Variants in ROR1 observed in about 807,000 individuals in gnomAD.
ROR1 encodes inactive tyrosine-protein kinase transmembrane receptor ROR1.
In ROR1, 19 loss-of-function variants were observed where a neutral mutation model predicts 78.8. The observed-to-expected ratio is 0.24, with a 90% confidence interval of 0.17 to 0.35. ROR1 has a LOEUF of 0.35. Ranked by LOEUF, ROR1 falls within the 10% of genes least tolerant of loss-of-function variation. The probability of loss-of-function intolerance (pLI) is 1.00; values close to 1 mark genes in which losing one functional copy is unlikely to be tolerated. For missense variants in ROR1, 917 were observed against 1,177.8 expected (o/e 0.78, Z 3.24); for synonymous variants, 386 against 433.6 (o/e 0.89, Z 1.36).
At position 64,181,215 on chromosome 1, in the gene ROR1, C is replaced by T. The variant is rs1650537277; in HGVS notation, c.*2360C>T. ...ATATCTGGTCTGTTTTTCTTGTTTC[C>T]TTTGTTTTTAACTTGATATAGATTT... is the stretch of plus-strand genomic sequence containing the variant. On this transcript the variant is annotated 3_prime_UTR_variant, in exon 9 of 9. Coordinates refer to ENST00000371079, the MANE Select transcript of ROR1 (RefSeq NM_005012.4). 1 of 151,776 alleles carries T rather than the reference C, an allele frequency of 6.6e-6. No homozygotes were observed. 9.4% of individuals were successfully genotyped at this position (151,776 alleles called of 1,614,324 possible). A position where few individuals can be genotyped will look rare whatever the true frequency, so the allele number is the denominator to read the frequency against.
chr1:63,842,531 T>G (rs572677361), intron 1 of ROR1, among the ~76,000 whole-genome samples: 1 of 152,280 alleles, frequency 6.6e-6, no homozygotes, highest in African/African-American at 2.4e-5. Flanking sequence ...GATCATTTCT[T>G]CCAAGGCTGC....
At chr1:64,158,144 G>T (rs1253526653) in intron 7 of ROR1, among the ~76,000 whole-genome samples, 2 of 152,128 alleles carry the variant, frequency 1.3e-5, no homozygotes, top group Non-Finnish European at 2.9e-5. Context: ...TATGTCTCGT[G>T]TTCTACACAT....
chr1:63,848,253 A>G (rs1645093536), intron 1 of ROR1, among the ~76,000 whole-genome samples: 1 of 152,212 alleles, frequency 6.6e-6, no homozygotes, highest in South Asian at 2.1e-4. Flanking sequence ...AAAAGAACTG[A>G]TGGAAGCAAA....
At chr1:63,977,275 C>T (rs1646169514) in intron 1 of ROR1, among the ~76,000 whole-genome samples, 1 of 152,172 alleles carries the variant, frequency 6.6e-6, no homozygotes, top group South Asian at 2.1e-4. Context: ...ACACACATAG[C>T]TTGAATATTT....
chr1:63,789,674 CTTT>C (rs902307163), intron 1 of ROR1, among the ~76,000 whole-genome samples: 9 of 102,598 alleles, frequency 8.8e-5, no homozygotes, highest in African/African-American at 3.4e-4. Flanking sequence ...CCTTCCTCTC[CTTT>C]TTTTTTTTTT....
chr1:63,894,238 T>C (rs1018701655), intron 1 of ROR1, among the ~76,000 whole-genome samples: 5 of 152,162 alleles, frequency 3.3e-5, no homozygotes, highest in African/African-American at 1.2e-4. Context: ...CAAGATTTCA[T>C]TATGCTACTG....
Position 64,052,185 on chromosome 1 carries a change from C to CT in ROR1, c.482+1486dup, listed in dbSNP as rs538059021. Among the ~76,000 whole-genome samples, 993 of 121,540 alleles carry CT rather than the reference C, an allele frequency of 8.2e-3. 2 individuals are homozygous for CT. Among genetic ancestry groups the CT allele is most frequent in the South Asian group, 0.021 (76 of 3,684 alleles). The allele number at this position is 121,540 out of a possible 152,430, so 79.7% of individuals were successfully genotyped here. ...CCTTGCATTTCTTGATGCTAATCTG[C>CT]TTTTTTTTTTTTTTTTTCAATGGTC... On this transcript the variant is annotated intron_variant, in intron 4 of 8. Transcript: ENST00000371079.
intron 8 of ROR1, 96 bp downstream of exon 8, chr1:64,159,288 A>G (rs1419948420): frequency 1.3e-5 from 12 of 958,948 alleles, no homozygotes; most frequent in Non-Finnish European, 2.0e-5. Context: ...AATGATATGG[A>G]ATCAGAGTTT....
At chr1:64,020,836 T>C (rs1392259722) in intron 2 of ROR1, among the ~76,000 whole-genome samples, 1 of 151,972 alleles carries the variant, frequency 6.6e-6, no homozygotes, top group African/African-American at 2.4e-5. Flanking sequence ...GGCAGTGGAG[T>C]GTGTGAAAAC....
At chr1:63,847,951 G>A (rs1232944842) in intron 1 of ROR1, among the ~76,000 whole-genome samples, 8 of 152,194 alleles carry the variant, frequency 5.3e-5, no homozygotes, top group Non-Finnish European at 1.2e-4. Flanking sequence ...ATCTCATCAA[G>A]AGCAGAGATA....
intron 1 of ROR1, among the ~76,000 whole-genome samples, chr1:63,884,609 CCT>C (rs1445095203): frequency 4.6e-5 from 7 of 152,050 alleles, no homozygotes; most frequent in Admixed American, 4.6e-4. Context: ...AAAGCATTGC[CCT>C]TTTTTAAATG....
chr1:64,013,712 ACAT>A (rs771159683), intron 2 of ROR1, among the ~76,000 whole-genome samples: 16 of 152,210 alleles, frequency 1.1e-4, no homozygotes, highest in Non-Finnish European at 2.4e-4. Context: ...TTTGACCATG[ACAT>A]CAACAGTGCT....
intron 1 of ROR1, among the ~76,000 whole-genome samples, chr1:63,871,600 C>T (rs1426177491): frequency 6.6e-6 from 1 of 152,172 alleles, no homozygotes; most frequent in Non-Finnish European, 1.5e-5. Context: ...GTTTCTCTAC[C>T]CAACTTGGTA....
intron 1 of ROR1, among the ~76,000 whole-genome samples, chr1:63,877,571 A>G (rs1645296033): frequency 6.6e-6 from 1 of 152,152 alleles, no homozygotes; most frequent in Non-Finnish European, 1.5e-5. Context: ...TGGCATTTTC[A>G]GGAAGGTAGC....
chr1:63,964,347 T>A (rs1163757474), intron 1 of ROR1, among the ~76,000 whole-genome samples: 1 of 152,226 alleles, frequency 6.6e-6, no homozygotes, highest in African/African-American at 2.4e-5. Context: ...TCTTGTTGGC[T>A]TCCCTGGGAT....
chr1:64,071,081 AAAG>A (rs1328201105), intron 4 of ROR1, among the ~76,000 whole-genome samples: 1 of 152,242 alleles, frequency 6.6e-6, no homozygotes, highest in Non-Finnish European at 1.5e-5. Context: ...CATGGAACAG[AAAG>A]AAGGCCAGCG....
At chr1:64,052,159 G>T (rs556241324) in intron 4 of ROR1, among the ~76,000 whole-genome samples, 70 of 149,344 alleles carry the variant, frequency 4.7e-4, no homozygotes, top group African/African-American at 1.7e-3. Flanking sequence ...TGGTCACTCT[G>T]CCTTGCATTT....
intron 1 of ROR1, among the ~76,000 whole-genome samples, chr1:63,923,982 A>G (rs1361152251): frequency 6.6e-6 from 1 of 152,002 alleles, no homozygotes; most frequent in African/African-American, 2.4e-5. Context: ...AGATCTTTGC[A>G]TAGCTGGAAA....
intron 2 of ROR1, among the ~76,000 whole-genome samples, chr1:64,027,783 G>A (rs977494746): frequency 2.6e-5 from 4 of 151,790 alleles, no homozygotes; most frequent in African/African-American, 4.8e-5. Context: ...TGCCTCCCAG[G>A]TTCAAGTGAT....
Sources: gnomAD v4.1 joint callset for allele counts (sites outside exome capture counted in the v4.1 genomes callset) on GRCh38, gnomAD v4.1.1 for gene constraint, MANE v1.5 for transcripts, NCBI Gene and HGNC (gene_info 2026-07-23, HGNC 2026-07-21) for gene names.